CEP85L: variants seen among roughly 807,000 people sequenced by gnomAD.
CEP85L encodes the protein centrosomal protein 85L.
CEP85L carries 60 observed loss-of-function variants against 100.3 expected under a neutral mutation model. That is an observed-to-expected ratio of 0.60 (90% CI 0.49 to 0.74). The LOEUF is 0.74. Ranked by LOEUF, CEP85L falls within the 30% of genes least tolerant of loss-of-function variation. The pLI, the probability that CEP85L is intolerant of heterozygous loss-of-function variation, is 0.00. For synonymous variants in CEP85L, 319 were observed against 322.7 expected (o/e 0.99, Z 0.12); for missense variants, 973 against 936.2 (o/e 1.04, Z -0.51).
chr6:118,613,325 T>C (rs895235110), intron 2 of CEP85L, among the ~76,000 whole-genome samples: 1 of 152,142 alleles, frequency 6.6e-6, no homozygotes, highest in African/African-American at 2.4e-5. Context: ...ACACATAAAC[T>C]TGATAATTTA....
intron 2 of CEP85L, among the ~76,000 whole-genome samples, chr6:118,580,243 C>T (rs1278079092): frequency 6.6e-6 from 1 of 152,188 alleles, no homozygotes; most frequent in Non-Finnish European, 1.5e-5. Flanking sequence ...CTCCTTAAAA[C>T]CACTCCACGT....
intron 1 of CEP85L, among the ~76,000 whole-genome samples, chr6:118,688,514 AG>A (rs1776917171): frequency 6.6e-6 from 1 of 152,254 alleles, no homozygotes; most frequent in Non-Finnish European, 1.5e-5. Context: ...CTTTATCCCT[AG>A]AATTTCTGAG....
chr6:118,479,361 A>C (rs992530444), intron 10 of CEP85L, among the ~76,000 whole-genome samples: 1 of 152,034 alleles, frequency 6.6e-6, no homozygotes, highest in Non-Finnish European at 1.5e-5. Flanking sequence ...CATTTCCTGC[A>C]CTCCAGGCTA....
chr6:118,470,840 G>A (rs1772898921), intron 10 of CEP85L, among the ~76,000 whole-genome samples, 196 bp from the exon 11 acceptor site: 1 of 151,984 alleles, frequency 6.6e-6, no homozygotes, highest in African/African-American at 2.4e-5. Context: ...AAAAGAAAAA[G>A]AAATGCTGGT....
intron 1 of CEP85L, among the ~76,000 whole-genome samples, chr6:118,692,784 T>C (rs1777088510): frequency 1.5e-5 from 1 of 68,412 alleles, no homozygotes; most frequent in Admixed American, 1.1e-4. Flanking sequence ...TTGATAGAAG[T>C]ATAGATACAA....
intron 2 of CEP85L, among the ~76,000 whole-genome samples, chr6:118,621,246 A>G (rs992208495): frequency 1.3e-5 from 2 of 152,196 alleles, no homozygotes; most frequent in African/African-American, 4.8e-5. Context: ...GACCAGTGCA[A>G]GACCTCAGAA....
chr6:118,615,688 G>T (rs1169895776), intron 2 of CEP85L, among the ~76,000 whole-genome samples: 1 of 152,184 alleles, frequency 6.6e-6, no homozygotes, highest in Non-Finnish European at 1.5e-5. Flanking sequence ...GGACCAAATG[G>T]TATCAGCTTG....
At chr6:118,493,496 C>T (rs958623466) in intron 5 of CEP85L, among the ~76,000 whole-genome samples, 4 of 152,036 alleles carry the variant, frequency 2.6e-5, no homozygotes, top group African/African-American at 7.2e-5. Context: ...GAACAAGATG[C>T]ACTGAGAATG....
rs746699037 is a variant in CEP85L, at chr6:118,501,971, C to G, written c.1257+9327G>C. ...CAGCTTGACTGCATCATGAAGGAAT[C>G]TGGAGGAAAACTGACCAGGTGGCTT... On this transcript the variant is annotated intron_variant, in intron 5 of 12. Coordinates refer to ENST00000368491, the MANE Select transcript of CEP85L (RefSeq NM_001042475.3). 15 of 865,808 alleles carry G rather than the reference C, an allele frequency of 1.7e-5. No homozygotes were observed. In the Middle Eastern group the frequency reaches 1.1e-3, roughly 63 times the overall value. The allele number at this position is 865,808 out of a possible 1,614,324, so 53.6% of individuals were successfully genotyped here.
chr6:118,538,865 T>C (rs1313759979), intron 3 of CEP85L, among the ~76,000 whole-genome samples: 2 of 152,040 alleles, frequency 1.3e-5, no homozygotes, highest in Non-Finnish European at 2.9e-5. Context: ...ATAAACAGAA[T>C]TTAATGAATC....
chr6:118,536,889 T>C (rs1314265553), intron 3 of CEP85L, among the ~76,000 whole-genome samples: 1 of 152,148 alleles, frequency 6.6e-6, no homozygotes, highest in Non-Finnish European at 1.5e-5. Flanking sequence ...CCTATATCCC[T>C]TTAGTAACAC....
At chr6:118,513,941 C>T (rs893196593) in intron 4 of CEP85L, among the ~76,000 whole-genome samples, 3 of 151,890 alleles carry the variant, frequency 2.0e-5, no homozygotes, top group Admixed American at 6.6e-5. Context: ...TTTATATCCA[C>T]GTTGTATAAC....
At chr6:118,465,624 TA>T in intron 12 of CEP85L, 56 bp from the exon 13 acceptor site, 2 of 1,559,228 alleles carry the variant, frequency 1.3e-6, no homozygotes, top group South Asian at 2.3e-5. Context: ...AAAGACATTT[TA>T]GAATTTTTCA....
intron 2 of CEP85L, among the ~76,000 whole-genome samples, chr6:118,583,973 C>G (rs986085230): frequency 6.6e-6 from 1 of 152,234 alleles, no homozygotes; most frequent in African/African-American, 2.4e-5. Context: ...TACATCCTGA[C>G]TGTCAATACC....
chr6:118,686,374 T>A (rs1023442430), intron 1 of CEP85L, among the ~76,000 whole-genome samples: 13 of 152,194 alleles, frequency 8.5e-5, no homozygotes, highest in Admixed American at 6.5e-4. Context: ...TTACACTTAC[T>A]CTTTGTTCTC....
At chr6:118,647,509 A>C (rs1775280782) in intron 1 of CEP85L, among the ~76,000 whole-genome samples, 1 of 152,028 alleles carries the variant, frequency 6.6e-6, no homozygotes, top group African/African-American at 2.4e-5. Flanking sequence ...TTACAGGCGC[A>C]CGCCACCACG....
intron 1 of CEP85L, among the ~76,000 whole-genome samples, chr6:118,686,255 CT>C (rs1776827563): frequency 6.6e-6 from 1 of 151,810 alleles, no homozygotes; most frequent in Non-Finnish European, 1.5e-5. Context: ...TTAAATTCAC[CT>C]GTTTTAATTG....
At chr6:118,665,721 C>T (rs1026288762) in intron 1 of CEP85L, among the ~76,000 whole-genome samples, 2 of 152,108 alleles carry the variant, frequency 1.3e-5, no homozygotes, top group African/African-American at 2.4e-5. Flanking sequence ...TGCCAGGGTA[C>T]TCAGGTTCTT....
intron 2 of CEP85L, among the ~76,000 whole-genome samples, chr6:118,616,646 TAAAA>T (rs778624803): frequency 7.8e-6 from 1 of 127,788 alleles, no homozygotes; most frequent in Non-Finnish European, 1.7e-5. Flanking sequence ...ACCCTGTCTT[TAAAA>T]AAAAAAAAAA....
Sources: gnomAD v4.1 joint callset for allele counts (sites outside exome capture counted in the v4.1 genomes callset) on GRCh38, gnomAD v4.1.1 for gene constraint, MANE v1.5 for transcripts, NCBI Gene and HGNC (gene_info 2026-07-23, HGNC 2026-07-21) for gene names.